Variants in GRIK4 observed in about 807,000 individuals in gnomAD.
GRIK4 encodes glutamate receptor ionotropic, kainate 4.
Under a neutral mutation model 104.9 loss-of-function variants are expected in GRIK4, and 40 were observed. The observed-to-expected ratio is 0.38, with a 90% CI of 0.30 to 0.50. The LOEUF is 0.50. GRIK4 is among the 20% of genes least tolerant of loss of function. The probability of loss-of-function intolerance (pLI) is 0.93; values close to 1 mark genes in which losing one functional copy is unlikely to be tolerated. For missense variants in GRIK4, 1,047 were observed against 1,308.1 expected (o/e 0.80, Z 3.08); for synonymous variants, 485 against 524.9 (o/e 0.92, Z 1.04).
At chr11:120,682,997 C>T (rs11217973) in intron 3 of GRIK4, among the ~76,000 whole-genome samples, 43,042 of 151,848 alleles carry the variant, frequency 0.28, 6,224 homozygotes, top group East Asian at 0.33. Context: ...ACTGCTCCCC[C>T]TCTCTCTTGT....
In GRIK4 at chr11:120,831,294, G is replaced by C. The variant is rs574765195; in HGVS notation, c.512-558G>C. On this transcript the variant is annotated intron_variant, in intron 6 of 20. Coordinates refer to ENST00000527524, the MANE Select transcript of GRIK4 (RefSeq NM_014619.5). ...AAAACAAAGGCTCTTACAGAGCCCA[G>C]TGTAACATTTGTGAGGGTTTAATGT... Among the ~76,000 whole-genome samples the C allele has an allele frequency of 5.8e-4, 88 of 152,360 alleles. 1 individual carries two copies. Among genetic ancestry groups the C allele is most frequent in the Non-Finnish European group, 2.1e-4 (14 of 68,038 alleles).
chr11:120,659,906 A>G (rs914710563), intron 2 of GRIK4, among the ~76,000 whole-genome samples: 20 of 152,078 alleles, frequency 1.3e-4, no homozygotes, highest in African/African-American at 3.9e-4. Context: ...TAATTTTTGT[A>G]TTTTTAGTAG....
intron 1 of GRIK4, among the ~76,000 whole-genome samples, chr11:120,612,419 A>G (rs1250702176): frequency 6.6e-6 from 1 of 152,158 alleles, no homozygotes; most frequent in Non-Finnish European, 1.5e-5. Context: ...GTGTCCTCAT[A>G]ATACTGGGCA....
chr11:120,589,366 A>G (rs936312730), intron 1 of GRIK4, among the ~76,000 whole-genome samples: 1 of 152,154 alleles, frequency 6.6e-6, no homozygotes, highest in Non-Finnish European at 1.5e-5. Flanking sequence ...GGAGAAGTCA[A>G]AATCCTACCT....
chr11:120,556,432 A>T (rs1473080301), intron 1 of GRIK4, among the ~76,000 whole-genome samples: 1 of 152,128 alleles, frequency 6.6e-6, no homozygotes, highest in African/African-American at 2.4e-5. Context: ...TGTAAGTCAG[A>T]TCAAGTCATT....
intron 14 of GRIK4, among the ~76,000 whole-genome samples, chr11:120,946,033 A>G (rs902719002): frequency 6.6e-6 from 1 of 152,248 alleles, no homozygotes; most frequent in Non-Finnish European, 1.5e-5. Flanking sequence ...TTGGTATAGC[A>G]GTATAATTCC....
chr11:120,584,351 A>C (rs1308758621), intron 1 of GRIK4, among the ~76,000 whole-genome samples: 2 of 152,242 alleles, frequency 1.3e-5, no homozygotes, highest in African/African-American at 4.8e-5. Context: ...TAAATAAAAT[A>C]GGTTTAATTG....
chr11:120,659,113 G>A lies in GRIK4; in HGVS notation c.-50-1156G>A, dbSNP rs192859623. On this transcript the variant is annotated intron_variant, in intron 2 of 20. Transcript: ENST00000527524. Reference sequence around the variant, plus strand: ...TAGCATATCCAGGTGCTCATCAGCCGCACCCTCACCCCAGTGAAGCCAGCA... The same window carrying A: ...TAGCATATCCAGGTGCTCATCAGCCACACCCTCACCCCAGTGAAGCCAGCA... 2.9e-4 allele frequency among the ~76,000 whole-genome samples: 44 copies of A among 152,170 alleles called. No individual in the cohort carries two copies. In the East Asian group the frequency reaches 5.2e-3, roughly 18 times the overall value.
chr11:120,762,047 C>T (rs998775292), intron 3 of GRIK4, among the ~76,000 whole-genome samples: 1 of 152,224 alleles, frequency 6.6e-6, no homozygotes, highest in East Asian at 1.9e-4. Flanking sequence ...GGTAGTATGG[C>T]CATTTTCATG....
intron 3 of GRIK4, among the ~76,000 whole-genome samples, chr11:120,746,596 C>A (rs1271066117): frequency 3.3e-5 from 5 of 152,170 alleles, no homozygotes; most frequent in African/African-American, 1.2e-4. Context: ...AGGAGAGGAA[C>A]TGTCCTAGGT....
intron 1 of GRIK4, among the ~76,000 whole-genome samples, chr11:120,616,479 C>T (rs192424595): frequency 5.9e-5 from 9 of 152,296 alleles, no homozygotes; most frequent in East Asian, 5.8e-4. Context: ...TATCTTCAGA[C>T]GGAAGCTGGA....
At chr11:120,795,357 C>G (rs984977886) in intron 3 of GRIK4, among the ~76,000 whole-genome samples, 1 of 152,132 alleles carries the variant, frequency 6.6e-6, no homozygotes, top group Non-Finnish European at 1.5e-5. Context: ...GAGCAGCCAG[C>G]CCCGGGGGAC....
chr11:120,564,616 G>A, intron 1 of GRIK4: 1 of 152,562 alleles, frequency 6.6e-6, no homozygotes, highest in Non-Finnish European at 1.5e-5. Context: ...TCCCGCAGCC[G>A]CAGTCGTTCG....
In GRIK4 at chr11:120,902,505, A is replaced by T. The variant is rs1305477874; in HGVS notation, c.1273-2785A>T. 6.6e-6 allele frequency among the ~76,000 whole-genome samples: 1 copy of T among 152,176 alleles called. No individual in the cohort carries two copies. The highest frequency in any genetic ancestry group is 1.5e-5 in the Non-Finnish European group (1 of 68,036). On this transcript the variant is annotated intron_variant, in intron 12 of 20. Coordinates refer to ENST00000527524, the MANE Select transcript of GRIK4 (RefSeq NM_014619.5). The surrounding 1 kb of genome is among the most constrained non-coding windows in gnomAD (Gnocchi z 4.5). Reference sequence around the variant, plus strand: ...ACCCCTTGGGACAATCAAAGATACAATGGGACATTACCAGTCCTGAGATGG... The same window carrying T: ...ACCCCTTGGGACAATCAAAGATACATTGGGACATTACCAGTCCTGAGATGG...
At chr11:120,885,479 G>A (rs770698969) in intron 11 of GRIK4, among the ~76,000 whole-genome samples, 7 of 151,790 alleles carry the variant, frequency 4.6e-5, no homozygotes, top group African/African-American at 7.3e-5. Flanking sequence ...TGCACTTCCT[G>A]GGTTCAAGCG....
chr11:120,569,740 C>T (rs1234563770), intron 1 of GRIK4, among the ~76,000 whole-genome samples: 2 of 152,164 alleles, frequency 1.3e-5, no homozygotes, highest in African/African-American at 4.8e-5. Flanking sequence ...CTGGACTCTG[C>T]TCTTGCAAAT....
intron 3 of GRIK4, among the ~76,000 whole-genome samples, chr11:120,790,942 A>G (rs1282934912): frequency 6.6e-6 from 1 of 152,154 alleles, no homozygotes; most frequent in East Asian, 1.9e-4. Flanking sequence ...CAATTCAATA[A>G]AAAGATAATG....
chr11:120,980,376 C>T (rs962512230), intron 19 of GRIK4, among the ~76,000 whole-genome samples: 3 of 152,168 alleles, frequency 2.0e-5, no homozygotes, highest in African/African-American at 7.2e-5. Flanking sequence ...TCTCACCACC[C>T]CTAAATCTGT....
intron 3 of GRIK4, among the ~76,000 whole-genome samples, chr11:120,701,361 G>C (rs1025824834): frequency 7.2e-5 from 11 of 152,028 alleles, no homozygotes; most frequent in Non-Finnish European, 1.6e-4. Flanking sequence ...CCACATTTAA[G>C]TGAGATCATG....
Sources: gnomAD v4.1 joint callset for allele counts (sites outside exome capture counted in the v4.1 genomes callset) on GRCh38, gnomAD v4.1.1 for gene constraint, Gnocchi (gnomAD v3.1) non-coding constraint, MANE v1.5 for transcripts, NCBI Gene and HGNC (gene_info 2026-07-23, HGNC 2026-07-21) for gene names.